TMTC1: variants seen among roughly 807,000 people sequenced by gnomAD.
TMTC1 encodes transmembrane O-mannosyltransferase targeting cadherins 1, also known as protein O-mannosyl-transferase TMTC1.
TMTC1 carries 73 observed loss-of-function variants against 104.8 expected under a neutral mutation model. The ratio of observed to expected loss-of-function variants is 0.70; its 90% confidence interval spans 0.58 to 0.85. The LOEUF (loss-of-function observed/expected upper bound fraction) is 0.85. Ranked by LOEUF, TMTC1 falls within the 40% of genes least tolerant of loss-of-function variation. TMTC1 has a pLI of 0.00. For synonymous variants in TMTC1, 434 were observed against 428.7 expected (o/e 1.01, Z -0.15); for missense variants, 1,035 against 1,096.1 (o/e 0.94, Z 0.79).
chr12:29,528,488 AAG>A, intron 11 of TMTC1, among the ~76,000 whole-genome samples: 1 of 152,152 alleles, frequency 6.6e-6, no homozygotes. Flanking sequence ...TGGGCCTTGG[AAG>A]AGAGATAAAA....
At chr12:29,767,491 G>C (rs915826092) in intron 2 of TMTC1, among the ~76,000 whole-genome samples, 2 of 152,184 alleles carry the variant, frequency 1.3e-5, no homozygotes, top group African/African-American at 2.4e-5. Context: ...AGCATGGTAA[G>C]TGTCTCGAAT....
chr12:29,780,987 G>A (rs897017986), intron 1 of TMTC1, among the ~76,000 whole-genome samples: 4 of 152,140 alleles, frequency 2.6e-5, no homozygotes, highest in South Asian at 2.1e-4. Context: ...TCATAAAGAC[G>A]TAATCTATGT....
At chr12:29,543,342 G>T (rs184515967) in intron 10 of TMTC1, among the ~76,000 whole-genome samples, 307 of 152,286 alleles carry the variant, frequency 2.0e-3, no homozygotes, top group African/African-American at 6.9e-3. Context: ...TCAATTTAGA[G>T]AACTTTTTGG....
chr12:29,644,309 C>G (rs998629843), intron 5 of TMTC1, among the ~76,000 whole-genome samples: 1 of 151,122 alleles, frequency 6.6e-6, no homozygotes, highest in Non-Finnish European at 1.5e-5. Flanking sequence ...GGGAGCTAAG[C>G]TGTGAGGATA....
intron 5 of TMTC1, among the ~76,000 whole-genome samples, chr12:29,725,024 T>A (rs1411070741): frequency 7.5e-6 from 1 of 133,644 alleles, no homozygotes; most frequent in South Asian, 2.6e-4. Flanking sequence ...CTTTTTTTTT[T>A]TTTTTTTTTT....
chr12:29,593,283 G>T (rs186523719), intron 7 of TMTC1, among the ~76,000 whole-genome samples: 5 of 152,136 alleles, frequency 3.3e-5, no homozygotes, highest in Admixed American at 3.3e-4. Context: ...GTATGTAAAC[G>T]TGTTCTGTAA....
chr12:29,565,365 T>C (rs1945482106), intron 9 of TMTC1, among the ~76,000 whole-genome samples: 2 of 152,170 alleles, frequency 1.3e-5, no homozygotes, highest in Non-Finnish European at 2.9e-5. Flanking sequence ...TTACCAAATA[T>C]CTAGGTATCA....
intron 11 of TMTC1, among the ~76,000 whole-genome samples, chr12:29,522,097 G>A (rs770462955): frequency 3.9e-5 from 6 of 152,146 alleles, no homozygotes; most frequent in Non-Finnish European, 8.8e-5. Flanking sequence ...CCTGAGTATG[G>A]ACATTTTCCA....
intron 5 of TMTC1, among the ~76,000 whole-genome samples, chr12:29,717,232 C>T (rs377335070): frequency 4.9e-4 from 74 of 152,160 alleles, no homozygotes; most frequent in East Asian, 3.1e-3. Context: ...GCATTTACAA[C>T]GAAAAATTTT....
intron 1 of TMTC1, chr12:29,782,896 G>A (rs1177218557): frequency 6.6e-6 from 1 of 152,346 alleles, no homozygotes; most frequent in East Asian, 1.9e-4. Flanking sequence ...CAAGGCGGGG[G>A]CTGGGGGGCT....
intron 10 of TMTC1, among the ~76,000 whole-genome samples, chr12:29,554,556 C>A (rs1945188186): frequency 6.6e-6 from 1 of 152,066 alleles, no homozygotes; most frequent in East Asian, 1.9e-4. Flanking sequence ...TAATTAAAAC[C>A]TATATTGTGC....
upstream of TMTC1, chr12:29,784,748 C>T (rs957902313): frequency 7.2e-6 from 1 of 138,594 alleles, no homozygotes; most frequent in East Asian, 2.2e-4. Flanking sequence ...AAGCAAACTA[C>T]TTTTTCTATC....
chr12:29,627,334 G>T (rs1938053179), intron 6 of TMTC1, among the ~76,000 whole-genome samples: 1 of 152,064 alleles, frequency 6.6e-6, no homozygotes, highest in Non-Finnish European at 1.5e-5. Context: ...ATATAAGGAT[G>T]GCCAATAAAC....
chr12:29,529,674 G>A (rs1944445575), intron 11 of TMTC1, among the ~76,000 whole-genome samples: 2 of 152,092 alleles, frequency 1.3e-5, no homozygotes, highest in Non-Finnish European at 2.9e-5. Flanking sequence ...CCTCTTCTTT[G>A]CTTTTGTTTT....
At chr12:29,657,537 T>C (rs1269309066) in intron 5 of TMTC1, among the ~76,000 whole-genome samples, 1 of 152,100 alleles carries the variant, frequency 6.6e-6, no homozygotes, top group African/African-American at 2.4e-5. Flanking sequence ...ACACCAGAAG[T>C]TGGATATCAC....
At chr12:29,731,432 A>G (rs926984483) in intron 5 of TMTC1, among the ~76,000 whole-genome samples, 1 of 152,206 alleles carries the variant, frequency 6.6e-6, no homozygotes, top group South Asian at 2.1e-4. Flanking sequence ...CTGGAATTAT[A>G]TGCCCACAAT....
At chr12:29,718,465 T>C (rs979544832) in intron 5 of TMTC1, among the ~76,000 whole-genome samples, 2 of 152,288 alleles carry the variant, frequency 1.3e-5, no homozygotes, top group Admixed American at 1.3e-4. Flanking sequence ...TCTGCTCAAA[T>C]ATCTGGCCGA....
In TMTC1 at chr12:29,514,514, T is replaced by C. The variant is rs1592150914; in HGVS notation, c.2398A>G (p.Arg800Gly). Residue 800 changes from arginine (R) to glycine (G), a missense_variant, in exon 16 of 18, where the codon AGA becomes GGA. Physicochemically the swap from Arg to Gly is moderately radical, Grantham distance 125 (BLOSUM62 -2). Transcript: ENST00000539277. ...GCTTTGTCGAGAAGGTTCTGCTCTC[T>C]TAATTGGTTTCCTTTTGTGAAAAAA... ...ELFFTKGNQLREQNLLDKAFE... is the reference protein window; with the variant it reads ...ELFFTKGNQLGEQNLLDKAFE... 6.2e-7 allele frequency: 1 copy of C among 1,614,090 alleles called. No individual in the cohort carries two copies. The highest frequency in any genetic ancestry group is 8.5e-7 in the Non-Finnish European group (1 of 1,179,994).
intron 5 of TMTC1, among the ~76,000 whole-genome samples, chr12:29,671,298 TTAAA>T (rs66951742): frequency 0.28 from 39,949 of 143,340 alleles, 5,943 homozygotes; most frequent in Non-Finnish European, 0.35. Context: ...AGACTCCATC[TTAAA>T]TAAATAAATA....
Sources: gnomAD v4.1 joint callset for allele counts (sites outside exome capture counted in the v4.1 genomes callset) on GRCh38, gnomAD v4.1.1 for gene constraint, MANE v1.5 for transcripts, NCBI Gene and HGNC (gene_info 2026-07-23, HGNC 2026-07-21) for gene names.